ARHGAP10: variants seen among roughly 807,000 people sequenced by gnomAD.
ARHGAP10 encodes the protein rho GTPase-activating protein 10.
A neutral mutation model predicts 108.6 loss-of-function variants in ARHGAP10; 87 were observed. The observed-to-expected ratio is 0.80, with a 90% CI of 0.67 to 0.96. The LOEUF is 0.96. ARHGAP10 is among the 40% of genes least tolerant of loss of function. The probability of loss-of-function intolerance (pLI) is 0.00; values close to 1 mark genes in which losing one functional copy is unlikely to be tolerated. For synonymous variants in ARHGAP10, 347 were observed against 341.1 expected, an observed-to-expected ratio of 1.02 and a Z score of -0.19; for missense variants, 939 against 954.5, an observed-to-expected ratio of 0.98 and a Z score of 0.21.
intron 18 of ARHGAP10, among the ~76,000 whole-genome samples, chr4:147,978,359 C>T (rs559801150): frequency 3.9e-4 from 59 of 152,172 alleles, no homozygotes; most frequent in African/African-American, 1.3e-3. Context: ...TTTAAATAAT[C>T]GCCATTCTGA....
intron 10 of ARHGAP10, among the ~76,000 whole-genome samples, chr4:147,882,503 C>T (rs1735366277): frequency 6.6e-6 from 1 of 150,780 alleles, no homozygotes; most frequent in Non-Finnish European, 1.5e-5. Context: ...CATTGTTGAT[C>T]CAAGCCTAAT....
chr4:148,027,273 G>A (rs1489129427), intron 19 of ARHGAP10, among the ~76,000 whole-genome samples: 3 of 152,166 alleles, frequency 2.0e-5, no homozygotes, highest in African/African-American at 7.2e-5. Context: ...TGATACAGCA[G>A]CTTATTTAGG....
intron 19 of ARHGAP10, among the ~76,000 whole-genome samples, chr4:148,035,851 G>A (rs117613163): frequency 6.6e-6 from 1 of 152,122 alleles, no homozygotes; most frequent in African/African-American, 2.4e-5. Flanking sequence ...TCTGATCAAA[G>A]AATCTGGACT....
chr4:147,850,512 C>T (rs4835463), intron 4 of ARHGAP10, among the ~76,000 whole-genome samples: 113,152 of 152,122 alleles, frequency 0.74, 45,671 homozygotes, highest in Non-Finnish European at 0.89. Context: ...ACTCTCTATG[C>T]GCCACCTTTA....
At chr4:147,966,186 G>A (rs1739194948) in intron 17 of ARHGAP10, among the ~76,000 whole-genome samples, 1 of 151,876 alleles carries the variant, frequency 6.6e-6, no homozygotes, top group African/African-American at 2.4e-5. Flanking sequence ...AGTTTTCTAA[G>A]AAGAGGGGAA....
chr4:147,814,738 T>G (rs1379690571), intron 1 of ARHGAP10, among the ~76,000 whole-genome samples: 1 of 152,242 alleles, frequency 6.6e-6, no homozygotes, highest in Non-Finnish European at 1.5e-5. Context: ...TGTTCTCATC[T>G]GTATATTGTT....
intron 1 of ARHGAP10, among the ~76,000 whole-genome samples, chr4:147,746,722 A>G (rs1728938772): frequency 1.3e-5 from 2 of 152,114 alleles, no homozygotes. Context: ...TGGGATTCAT[A>G]TTCTAGGTGA....
At chr4:148,044,266 A>G (rs1728779121) in intron 19 of ARHGAP10, among the ~76,000 whole-genome samples, 1 of 152,058 alleles carries the variant, frequency 6.6e-6, no homozygotes, top group African/African-American at 2.4e-5. Flanking sequence ...CATTTCAGGC[A>G]TCTTTCAAAA....
chr4:147,806,799 T>G (rs906744712), intron 1 of ARHGAP10, among the ~76,000 whole-genome samples: 11 of 152,096 alleles, frequency 7.2e-5, no homozygotes, highest in African/African-American at 2.7e-4. Context: ...ATTCTTGGCC[T>G]TAAGTGATCC....
At chr4:147,953,451 G>A (rs1180533136) in intron 15 of ARHGAP10, among the ~76,000 whole-genome samples, 3 of 151,944 alleles carry the variant, frequency 2.0e-5, no homozygotes, top group Admixed American at 1.3e-4. Flanking sequence ...GACTACTCAG[G>A]TTATCTGTTT....
chr4:147,855,280 C>A (rs1012824537), intron 4 of ARHGAP10, among the ~76,000 whole-genome samples: 1 of 152,206 alleles, frequency 6.6e-6, no homozygotes, highest in African/African-American at 2.4e-5. Context: ...ACACCTAATT[C>A]AGTGTGTACT....
At chr4:147,888,824 A>G (rs1203467507) in intron 10 of ARHGAP10, among the ~76,000 whole-genome samples, 1 of 152,156 alleles carries the variant, frequency 6.6e-6, no homozygotes, top group East Asian at 1.9e-4. Flanking sequence ...CAGAAGGTGA[A>G]TGTACTTTGA....
intron 22 of ARHGAP10, among the ~76,000 whole-genome samples, chr4:148,069,457 A>G (rs1730056254): frequency 6.6e-6 from 1 of 152,022 alleles, no homozygotes; most frequent in Admixed American, 6.5e-5. Flanking sequence ...GGTTGGGGAG[A>G]TGCAGGATTC....
intron 1 of ARHGAP10, among the ~76,000 whole-genome samples, chr4:147,761,632 A>G (rs1214298706): frequency 1.3e-5 from 2 of 152,222 alleles, no homozygotes; most frequent in African/African-American, 4.8e-5. Context: ...CAATTATATC[A>G]GGCATTTAAA....
At chr4:147,888,437 G>A (rs1249174035) in intron 10 of ARHGAP10, among the ~76,000 whole-genome samples, 1 of 152,064 alleles carries the variant, frequency 6.6e-6, no homozygotes, top group African/African-American at 2.4e-5. Flanking sequence ...GGGAGTGGGG[G>A]TAGTTACATT....
intron 1 of ARHGAP10, among the ~76,000 whole-genome samples, chr4:147,787,250 T>A (rs72955525): frequency 6.4e-4 from 98 of 152,276 alleles, no homozygotes; most frequent in African/African-American, 2.3e-3. Context: ...TTATTTATTT[T>A]TTCTTTTCCT....
At chr4:147,834,701 CCCATACACATACCCACCCACT>C (rs1364752639) in intron 3 of ARHGAP10, among the ~76,000 whole-genome samples, 2,095 of 151,112 alleles carry the variant, frequency 0.014, 49 homozygotes, top group African/African-American at 0.048. Flanking sequence ...CACACCCACA[CCCATACACATACCCACCCACT>C]TCCACCCGCA....
intron 19 of ARHGAP10, among the ~76,000 whole-genome samples, chr4:148,037,827 C>G (rs1254905154): frequency 6.9e-6 from 1 of 144,300 alleles, no homozygotes; most frequent in Non-Finnish European, 1.5e-5. Context: ...GGGTGAGACT[C>G]CGTCTCAAAA....
chr4:148,071,527 A>C (rs1730177618), intron 22 of ARHGAP10, among the ~76,000 whole-genome samples: 1 of 152,152 alleles, frequency 6.6e-6, no homozygotes, highest in Admixed American at 6.5e-5. Context: ...GAGGCAGGAG[A>C]ATTGCTTGAA....
Sources: gnomAD v4.1 joint callset for allele counts (sites outside exome capture counted in the v4.1 genomes callset) on GRCh38, gnomAD v4.1.1 for gene constraint, MANE v1.5 for transcripts, NCBI Gene and HGNC (gene_info 2026-07-23, HGNC 2026-07-21) for gene names.